The following FSHR variants were observed in gnomAD, a reference collection of about 807,000 sequenced individuals.
FSHR encodes the protein follicle-stimulating hormone receptor.
FSHR carries 46 observed loss-of-function variants against 52.1 expected under a neutral mutation model. That is an observed-to-expected ratio of 0.88 (90% CI 0.70 to 1.13). The LOEUF (loss-of-function observed/expected upper bound fraction) is 1.13, where lower values mean the gene tolerates loss of function less well. Ranked by LOEUF, FSHR falls within the 50% of genes most tolerant of loss-of-function variation. FSHR has a pLI of 0.00. For missense variants in FSHR, 964 were observed against 834.6 expected (o/e 1.16, Z -1.91); for synonymous variants, 399 against 309.6 (o/e 1.29, Z -3.03).
chr2:48,963,864 C>T lies in FSHR; in HGVS notation c.957G>A (p.Glu319=), dbSNP rs1360991868. 1 of 1,614,122 alleles carries T rather than the reference C, an allele frequency of 6.2e-7. No individual in the cohort carries two copies. Among genetic ancestry groups the T allele is most frequent in the Non-Finnish European group, 8.5e-7 (1 of 1,180,010 alleles). The change falls in exon 10 of 10, where the codon GAG becomes GAA. Residue 319 remains glutamate (E), a synonymous_variant. Transcript: ENST00000406846. Reference sequence around the variant, plus strand: ...TGTCAAATCCTCTGCTGTAGCTGGACTCATTGTCTTCTGCCAGAGAGGATC... The same window carrying T: ...TGTCAAATCCTCTGCTGTAGCTGGATTCATTGTCTTCTGCCAGAGAGGATC... ...GQRSSLAEDN[E]SSYSRGFDMT...
Position 49,078,895 on chromosome 2 carries a change from G to A in FSHR, c.153-10605C>T, listed in dbSNP as rs371890146. 9.2e-5 allele frequency among the ~76,000 whole-genome samples: 14 copies of A among 152,078 alleles called. No homozygotes were observed. The East Asian group carries it at 1.7e-3, about 19-fold the overall frequency. The stretch of plus-strand genomic sequence containing the variant: ...TAAGAATAGAGAAAGAAAAAGATAC[G>A]TCATAATTACTACGCAATAAGAATA... On this transcript the variant is annotated intron_variant, in intron 1 of 9. Coordinates refer to ENST00000406846, the MANE Select transcript of FSHR (RefSeq NM_000145.4).
chr2:49,144,950 C>G (rs1237748968), intron 1 of FSHR, among the ~76,000 whole-genome samples: 1 of 152,078 alleles, frequency 6.6e-6, no homozygotes, highest in Non-Finnish European at 1.5e-5. Context: ...TACTGTCCCC[C>G]TCATGCCAAA....
chr2:48,978,800 G>A (rs2104046211), intron 8 of FSHR, among the ~76,000 whole-genome samples: 1 of 152,274 alleles, frequency 6.6e-6, no homozygotes, highest in East Asian at 1.9e-4. Flanking sequence ...GTGGAACAGT[G>A]CACCCTTGCA....
intron 1 of FSHR, among the ~76,000 whole-genome samples, chr2:49,105,478 T>C (rs1671189260): frequency 6.6e-6 from 1 of 151,968 alleles, no homozygotes; most frequent in Non-Finnish European, 1.5e-5. Flanking sequence ...TCCCCTTTTG[T>C]GCTTAAAAAA....
At chr2:49,086,248 A>C (rs1245414562) in intron 1 of FSHR, among the ~76,000 whole-genome samples, 1 of 152,170 alleles carries the variant, frequency 6.6e-6, no homozygotes, top group Non-Finnish European at 1.5e-5. Flanking sequence ...ATTATAGAGA[A>C]ATTTGAATAG....
intron 2 of FSHR, among the ~76,000 whole-genome samples, chr2:49,049,096 C>A (rs1180146452): frequency 1.3e-5 from 2 of 151,542 alleles, no homozygotes; most frequent in Non-Finnish European, 2.9e-5. Flanking sequence ...ATCCCCAGAG[C>A]AGAGCCACAA....
At chr2:49,055,097 G>A (rs1443413311) in intron 2 of FSHR, among the ~76,000 whole-genome samples, 1 of 151,958 alleles carries the variant, frequency 6.6e-6, no homozygotes, top group African/African-American at 2.4e-5. Context: ...AGGAAACTCA[G>A]TGAGATACAA....
chr2:49,130,621 C>G (rs1268354428), intron 1 of FSHR, among the ~76,000 whole-genome samples: 1 of 152,180 alleles, frequency 6.6e-6, no homozygotes, highest in Non-Finnish European at 1.5e-5. Flanking sequence ...CAGACCTATG[C>G]TCCTACAAAT....
At chr2:49,030,299 T>C (rs1668056434) in intron 2 of FSHR, among the ~76,000 whole-genome samples, 1 of 133,830 alleles carries the variant, frequency 7.5e-6, no homozygotes, top group Non-Finnish European at 1.7e-5. Context: ...TGTGTGTGTG[T>C]GTGTGTGTGT....
chr2:49,055,888 C>A (rs1022056806), intron 2 of FSHR, among the ~76,000 whole-genome samples: 3 of 151,956 alleles, frequency 2.0e-5, no homozygotes, highest in African/African-American at 4.8e-5. Flanking sequence ...ACTAGACCTG[C>A]CAAACAAGAA....
chr2:49,021,878 T>TAG (rs1667726543), intron 2 of FSHR, among the ~76,000 whole-genome samples: 2 of 60,856 alleles, frequency 3.3e-5, no homozygotes, highest in African/African-American at 6.9e-5. Context: ...TATATATATA[T>TAG]ATATATATAG....
chr2:48,974,980 A>G (rs988850010), intron 8 of FSHR, among the ~76,000 whole-genome samples: 2 of 152,150 alleles, frequency 1.3e-5, no homozygotes, highest in African/African-American at 2.4e-5. Flanking sequence ...GCAAATATAC[A>G]TGGGCGTGGG....
At chr2:49,121,266 G>A (rs1424136770) in intron 1 of FSHR, among the ~76,000 whole-genome samples, 3 of 152,188 alleles carry the variant, frequency 2.0e-5, no homozygotes, top group Non-Finnish European at 1.5e-5. Flanking sequence ...TTTATGAAGT[G>A]CATACATTTG....
chr2:48,998,481 A>C (rs2104134122), intron 4 of FSHR, among the ~76,000 whole-genome samples: 1 of 152,220 alleles, frequency 6.6e-6, no homozygotes, highest in East Asian at 1.9e-4. Context: ...AAAAGTATAA[A>C]AAATTCAACA....
intron 8 of FSHR, among the ~76,000 whole-genome samples, chr2:48,972,072 C>A (rs904333910): frequency 6.6e-6 from 1 of 152,120 alleles, no homozygotes; most frequent in Non-Finnish European, 1.5e-5. Context: ...CAATTGCCTC[C>A]TTATAATCTC....
chr2:49,109,993 G>T (rs551560889), intron 1 of FSHR, among the ~76,000 whole-genome samples: 3 of 152,226 alleles, frequency 2.0e-5, no homozygotes, highest in East Asian at 3.9e-4. Flanking sequence ...CACCTGAGAG[G>T]CAGGGTCAGA....
chr2:49,087,985 A>G (rs1316075399), intron 1 of FSHR, among the ~76,000 whole-genome samples: 1 of 152,222 alleles, frequency 6.6e-6, no homozygotes, highest in Non-Finnish European at 1.5e-5. Flanking sequence ...ACTGTGCTAA[A>G]TATTTCATTT....
intron 4 of FSHR, among the ~76,000 whole-genome samples, chr2:49,003,472 T>G (rs1258705893): frequency 6.6e-6 from 1 of 152,168 alleles, no homozygotes; most frequent in Non-Finnish European, 1.5e-5. Context: ...AGACTTGCCC[T>G]TGGGGAAGAC....
chr2:49,099,093 G>A (rs1365895516), intron 1 of FSHR, among the ~76,000 whole-genome samples: 1 of 151,700 alleles, frequency 6.6e-6, no homozygotes, highest in East Asian at 1.9e-4. Flanking sequence ...GGTGTCTGTG[G>A]TAGGGTGAAT....
Sources: gnomAD v4.1 joint callset for allele counts (sites outside exome capture counted in the v4.1 genomes callset) on GRCh38, gnomAD v4.1.1 for gene constraint, MANE v1.5 for transcripts, NCBI Gene and HGNC (gene_info 2026-07-23, HGNC 2026-07-21) for gene names.